The following DCLK1 variants were observed in gnomAD, a reference collection of about 807,000 sequenced individuals.
The protein encoded by DCLK1 is serine/threonine-protein kinase DCLK1.
In DCLK1, 16 loss-of-function variants were observed where a neutral mutation model predicts 86.2. The observed-to-expected ratio is 0.19, with a 90% CI of 0.13 to 0.28. DCLK1 has a LOEUF of 0.28. Ranked by LOEUF, DCLK1 falls within the 10% of genes least tolerant of loss-of-function variation. DCLK1 has a pLI of 1.00. For missense variants in DCLK1, 590 were observed against 940.2 expected (o/e 0.63, Z 4.87); for synonymous variants, 369 against 370.5 (o/e 1.00, Z 0.05).
intron 3 of DCLK1, among the ~76,000 whole-genome samples, chr13:36,075,126 C>G (rs556472889): frequency 3.3e-5 from 5 of 152,244 alleles, no homozygotes; most frequent in African/African-American, 1.2e-4. Flanking sequence ...TTTTAGGATT[C>G]AAATGAGGGA....
At chr13:35,787,989 T>C (rs1354443858) in intron 16 of DCLK1, 1 of 543,858 alleles carries the variant, frequency 1.8e-6, no homozygotes, top group Non-Finnish European at 3.3e-6. Flanking sequence ...ATACTGAGCA[T>C]GTGCAATGGA....
chr13:35,998,571 T>A (rs898789564), intron 3 of DCLK1, among the ~76,000 whole-genome samples: 1 of 152,184 alleles, frequency 6.6e-6, no homozygotes, highest in Non-Finnish European at 1.5e-5. Context: ...AGTGGTCTTC[T>A]TGATCATTTC....
chr13:36,055,550 C>T (rs767694298), intron 3 of DCLK1, among the ~76,000 whole-genome samples: 100 of 152,152 alleles, frequency 6.6e-4, no homozygotes, highest in Non-Finnish European at 1.2e-3. Context: ...CCCGCATTTT[C>T]CCCAGTGCTT....
At chr13:35,905,082 GCA>G (rs1361579816) in intron 4 of DCLK1, among the ~76,000 whole-genome samples, 4 of 152,150 alleles carry the variant, frequency 2.6e-5, no homozygotes, top group African/African-American at 4.8e-5. Context: ...CTAATGCCTG[GCA>G]CAGAGTTGGC....
chr13:35,985,247 C>A (rs1879844121), intron 3 of DCLK1, among the ~76,000 whole-genome samples: 1 of 152,210 alleles, frequency 6.6e-6, no homozygotes, highest in African/African-American at 2.4e-5. Flanking sequence ...TAAGCCCATT[C>A]TCCCTGGAAA....
At chr13:35,967,911 C>T (rs747927107) in intron 3 of DCLK1, among the ~76,000 whole-genome samples, 3 of 152,024 alleles carry the variant, frequency 2.0e-5, no homozygotes, top group Non-Finnish European at 2.9e-5. Flanking sequence ...GTCCCAGCTA[C>T]TCAGGAGGCT....
chr13:36,131,473 C>A (rs1182774569), upstream of DCLK1, among the ~76,000 whole-genome samples: 1 of 152,078 alleles, frequency 6.6e-6, no homozygotes, highest in Non-Finnish European at 1.5e-5. Context: ...CGCGTGCGCG[C>A]CCCGTCGCCC....
intron 16 of DCLK1, among the ~76,000 whole-genome samples, chr13:35,785,077 C>A (rs561803921): frequency 6.6e-6 from 1 of 152,304 alleles, no homozygotes; most frequent in South Asian, 2.1e-4. Context: ...AGAACTCAAC[C>A]ACCCTTTTGT....
At chr13:35,958,449 CTAT>C (rs1202367910) in intron 3 of DCLK1, among the ~76,000 whole-genome samples, 2 of 151,330 alleles carry the variant, frequency 1.3e-5, no homozygotes, top group Non-Finnish European at 3.0e-5. Context: ...ACCATCACCA[CTAT>C]AACCACTATC....
At chr13:36,079,600 C>T (rs1394809495) in intron 3 of DCLK1, among the ~76,000 whole-genome samples, 1 of 151,910 alleles carries the variant, frequency 6.6e-6, no homozygotes, top group South Asian at 2.1e-4. Context: ...CCATTGCACT[C>T]CAGCCTGGGG....
chr13:35,813,677 T>G (rs1361719464), intron 11 of DCLK1, among the ~76,000 whole-genome samples: 1 of 151,628 alleles, frequency 6.6e-6, no homozygotes, highest in Non-Finnish European at 1.5e-5. Context: ...TGTGATGTTC[T>G]TTTTATTCCC....
intron 2 of DCLK1, among the ~76,000 whole-genome samples, chr13:36,124,638 G>A (rs1886105940): frequency 1.3e-5 from 2 of 152,208 alleles, no homozygotes; most frequent in South Asian, 4.1e-4. Context: ...GGTGCTTCCT[G>A]CTACCTGCAC....
chr13:35,914,459 G>A (rs1453752297), intron 4 of DCLK1, among the ~76,000 whole-genome samples: 1 of 149,562 alleles, frequency 6.7e-6, no homozygotes, highest in Non-Finnish European at 1.5e-5. Flanking sequence ...GCTCATGCCT[G>A]GAATCTCAGC....
rs752691840 is a variant in DCLK1 at position 35,768,702 on chromosome 13, G to A, written c.*5833C>T. On this transcript the variant is annotated 3_prime_UTR_variant, in exon 17 of 17. Transcript: ENST00000360631. The stretch of plus-strand genomic sequence containing the variant: ...TTATCCAAGTCAGTGGCCCAGGCAG[G>A]AACGTAATATATGACAAGGGACATT... 6.6e-5 allele frequency: 10 copies of A among 152,156 alleles called. No individual in the cohort carries two copies. Among genetic ancestry groups the A allele is most frequent in the African/African-American group, 1.2e-4 (5 of 41,430 alleles). The allele number at this position is 152,156 out of a possible 1,614,324, so 9.4% of individuals were successfully genotyped here. A position where few individuals can be genotyped will look rare whatever the true frequency, so the allele number is the denominator to read the frequency against.
chr13:36,013,726 C>T (rs996297962), intron 3 of DCLK1, among the ~76,000 whole-genome samples: 3 of 152,196 alleles, frequency 2.0e-5, no homozygotes, highest in African/African-American at 7.2e-5. Context: ...CAGAGGCAGG[C>T]AGGCTTCCTT....
chr13:35,868,630 T>C (rs1872032141), intron 5 of DCLK1, among the ~76,000 whole-genome samples: 1 of 152,208 alleles, frequency 6.6e-6, no homozygotes, highest in Non-Finnish European at 1.5e-5. Flanking sequence ...AATATACTAA[T>C]TGATACGGTT....
At chr13:35,803,885 C>T (rs187655552) in intron 15 of DCLK1, among the ~76,000 whole-genome samples, 512 of 152,220 alleles carry the variant, frequency 3.4e-3, no homozygotes, top group Middle Eastern at 6.8e-3. Context: ...TCTATGACCA[C>T]GTCCATATAT....
intron 4 of DCLK1, among the ~76,000 whole-genome samples, chr13:35,888,076 A>T (rs1467654028): frequency 6.6e-6 from 1 of 152,144 alleles, no homozygotes; most frequent in African/African-American, 2.4e-5. Flanking sequence ...TTAATTATCA[A>T]GGATAATTCT....
At position 35,772,139 on chromosome 13, in the gene DCLK1, A is replaced by G. The variant is rs1191490314; in HGVS notation, c.*2396T>C. ...CTGTTTATTCAGCATAGATCACTCA[A>G]ATTCTACAGTGATGTGCTGGGATCC... On this transcript the variant is annotated 3_prime_UTR_variant, in exon 17 of 17. Coordinates refer to ENST00000360631, the MANE Select transcript of DCLK1 (RefSeq NM_001330071.2). 1 of 152,132 alleles carries G rather than the reference A, an allele frequency of 6.6e-6. No individual in the cohort carries two copies. Among genetic ancestry groups the G allele is most frequent in the Non-Finnish European group, 1.5e-5 (1 of 68,026 alleles). The allele number at this position is 152,132 out of a possible 1,614,324, so 9.4% of individuals were successfully genotyped here.
Sources: gnomAD v4.1 joint callset for allele counts (sites outside exome capture counted in the v4.1 genomes callset) on GRCh38, gnomAD v4.1.1 for gene constraint, MANE v1.5 for transcripts, NCBI Gene and HGNC (gene_info 2026-07-23, HGNC 2026-07-21) for gene names.